The following GALNT17 variants were observed in gnomAD, a reference collection of about 807,000 sequenced individuals.
GALNT17 encodes the protein UDP-GalNAc:polypeptide N-acetylgalactosaminyltransferase-like 3.
GALNT17 carries 29 observed loss-of-function variants against 63.7 expected under a neutral mutation model. The ratio of observed to expected loss-of-function variants is 0.46; its 90% CI spans 0.34 to 0.62. The LOEUF (loss-of-function observed/expected upper bound fraction) is 0.62, where lower values mean the gene tolerates loss of function less well. GALNT17 is among the 20% of genes least tolerant of loss of function. The pLI is 0.01. For synonymous variants in GALNT17, 305 were observed against 318.3 expected (o/e 0.96, Z 0.45); for missense variants, 603 against 799.6 (o/e 0.75, Z 2.97).
chr7:71,266,227 A>T (rs895000661), intron 1 of GALNT17, among the ~76,000 whole-genome samples: 1 of 151,952 alleles, frequency 6.6e-6, no homozygotes, highest in African/African-American at 2.4e-5. Context: ...ATGAGCCTTA[A>T]TTTACTCACA....
chr7:71,335,411 C>A, intron 1 of GALNT17, 139 bp from the exon 2 acceptor site: 1 of 852,604 alleles, frequency 1.2e-6, no homozygotes, highest in Non-Finnish European at 1.7e-6. Context: ...GGGCCTATAC[C>A]TGAGTTGGAT....
intron 6 of GALNT17, among the ~76,000 whole-genome samples, chr7:71,585,488 A>G (rs541192742): frequency 6.6e-6 from 1 of 152,236 alleles, no homozygotes; most frequent in Non-Finnish European, 1.5e-5. Flanking sequence ...CTGAAATACA[A>G]TTCAAACCAG....
intron 8 of GALNT17, among the ~76,000 whole-genome samples, chr7:71,672,407 C>G (rs10257839): frequency 0.044 from 6,743 of 152,076 alleles, 507 homozygotes; most frequent in African/African-American, 0.15. Context: ...GCAAGAAATG[C>G]AAAGGAAATG....
chr7:71,195,300 C>A lies in GALNT17; in HGVS notation c.238+62260C>A, dbSNP rs77624424. ...GCATGATCATAACTTAGTGCCACCT[C>A]GACCTCCTGGCCTCAGGAGATCTTT... On this transcript the variant is annotated intron_variant, in intron 1 of 10. Transcript: ENST00000333538. Among the ~76,000 whole-genome samples the A allele has an allele frequency of 2.9e-3, 444 of 152,252 alleles. 11 individuals are homozygous for A. The East Asian group carries it at 0.063, about 22-fold the overall frequency.
chr7:71,482,081 A>ATGTGTGTGTGTGTGTGTGTGTGTGTG lies in GALNT17; in HGVS notation c.962+60984_962+61009dup, dbSNP rs10678512. ...GATGTATAGGTATACATATATGTAT[A>ATGTGTGTGTGTGTGTGTGTGTGTGTG]TGTGTGTGTGTGTGTGTGTGTGTGT... is the stretch of plus-strand genomic sequence containing the variant. On this transcript the variant is annotated intron_variant, in intron 5 of 10. Coordinates refer to ENST00000333538, the MANE Select transcript of GALNT17 (RefSeq NM_022479.3). Among the ~76,000 whole-genome samples the ATGTGTGTGTGTGTGTGTGTGTGTGTG allele has an allele frequency of 4.8e-3, 657 of 138,176 alleles. 4 individuals are homozygous for ATGTGTGTGTGTGTGTGTGTGTGTGTG. Among genetic ancestry groups the ATGTGTGTGTGTGTGTGTGTGTGTGTG allele is most frequent in the Middle Eastern group, 0.022 (6 of 268 alleles). The allele number at this position is 138,176 out of a possible 152,430, so 90.6% of individuals were successfully genotyped here.
At chr7:71,173,877 A>G (rs145036400) in intron 1 of GALNT17, among the ~76,000 whole-genome samples, 1 of 152,336 alleles carries the variant, frequency 6.6e-6, no homozygotes, top group East Asian at 1.9e-4. Context: ...TCAGAGCAGT[A>G]CTTGGCACAG....
chr7:71,336,190 C>T (rs1219857945), intron 2 of GALNT17, among the ~76,000 whole-genome samples: 3 of 151,930 alleles, frequency 2.0e-5, no homozygotes. Context: ...GGATTGCAGG[C>T]ATGCACCACC....
intron 5 of GALNT17, among the ~76,000 whole-genome samples, chr7:71,467,222 C>T (rs1392809710): frequency 2.0e-5 from 3 of 152,130 alleles, no homozygotes; most frequent in African/African-American, 4.8e-5. Context: ...ACACAGCAGT[C>T]GTAGCTCTGG....
intron 1 of GALNT17, among the ~76,000 whole-genome samples, chr7:71,302,194 T>C (rs1000282524): frequency 1.3e-5 from 2 of 151,932 alleles, no homozygotes; most frequent in Non-Finnish European, 2.9e-5. Context: ...CTGGGGCCTG[T>C]TGGGAGAGGG....
At chr7:71,368,451 G>A (rs1792555850) in intron 2 of GALNT17, among the ~76,000 whole-genome samples, 1 of 151,864 alleles carries the variant, frequency 6.6e-6, no homozygotes, top group African/African-American at 2.4e-5. Flanking sequence ...CCCCTTTGCA[G>A]GCCCTCACCT....
chr7:71,540,043 C>T (rs1788862612), intron 5 of GALNT17, among the ~76,000 whole-genome samples: 1 of 148,120 alleles, frequency 6.8e-6, no homozygotes, highest in Non-Finnish European at 1.5e-5. Context: ...GTCTTCCTGC[C>T]TCAACCTCCC....
At chr7:71,166,846 A>G (rs1006113671) in intron 1 of GALNT17, among the ~76,000 whole-genome samples, 4 of 152,066 alleles carry the variant, frequency 2.6e-5, no homozygotes, top group African/African-American at 7.2e-5. Context: ...GTAAACACCT[A>G]GATACCTAGG....
intron 1 of GALNT17, among the ~76,000 whole-genome samples, chr7:71,181,270 T>TAAAA (rs1562891340): frequency 1.4e-5 from 2 of 142,634 alleles, no homozygotes; most frequent in African/African-American, 5.5e-5. Context: ...AAAAAAAAAG[T>TAAAA]AATGGCTTAA....
intron 1 of GALNT17, among the ~76,000 whole-genome samples, chr7:71,178,503 C>A (rs2116307272): frequency 6.6e-6 from 1 of 152,258 alleles, no homozygotes; most frequent in African/African-American, 2.4e-5. Context: ...CTCCTTTCCT[C>A]TGAGACTCTA....
intron 1 of GALNT17, chr7:71,300,195 A>C: frequency 3.6e-6 from 1 of 278,630 alleles, no homozygotes; most frequent in African/African-American, 2.2e-5. Context: ...GTGGGAGATG[A>C]TTTAAATTGC....
At chr7:71,447,933 A>C (rs1188307196) in intron 5 of GALNT17, among the ~76,000 whole-genome samples, 1 of 152,246 alleles carries the variant, frequency 6.6e-6, no homozygotes, top group South Asian at 2.1e-4. Flanking sequence ...GCTGCCCTCT[A>C]GCAGTGATCC....
intron 5 of GALNT17, among the ~76,000 whole-genome samples, chr7:71,548,309 A>G (rs1168126108): frequency 6.6e-6 from 1 of 151,640 alleles, no homozygotes; most frequent in Non-Finnish European, 1.5e-5. Context: ...TGAGTGGTTG[A>G]GATGCATTCC....
chr7:71,334,477 G>A (rs1791863792), intron 1 of GALNT17, among the ~76,000 whole-genome samples: 1 of 152,160 alleles, frequency 6.6e-6, no homozygotes, highest in Admixed American at 6.5e-5. Flanking sequence ...GATTGTGTGT[G>A]TATGTGTGTA....
intron 2 of GALNT17, among the ~76,000 whole-genome samples, chr7:71,384,641 C>T (rs1792907628): frequency 6.6e-6 from 1 of 152,094 alleles, no homozygotes; most frequent in African/African-American, 2.4e-5. Context: ...TTATGGAGCA[C>T]TTTGGAAATG....
Sources: allele counts gnomAD v4.1 joint callset (sites outside exome capture counted in the v4.1 genomes callset), GRCh38; gene constraint gnomAD v4.1.1; transcripts MANE v1.5; gene names NCBI Gene and HGNC (gene_info 2026-07-23, HGNC 2026-07-21).